The following PPP3R1 variants were observed in gnomAD, a reference collection of about 807,000 sequenced individuals.
PPP3R1 encodes the protein calcineurin subunit B type 1.
A neutral mutation model predicts 22.6 loss-of-function variants in PPP3R1; 5 were observed. The ratio of observed to expected loss-of-function variants is 0.22; its 90% CI spans 0.12 to 0.46. The LOEUF (loss-of-function observed/expected upper bound fraction) is 0.46, where lower values mean the gene tolerates loss of function less well. Ranked by LOEUF, PPP3R1 falls within the 20% of genes least tolerant of loss-of-function variation. The probability of loss-of-function intolerance (pLI) is 0.99; values close to 1 mark genes in which losing one functional copy is unlikely to be tolerated. For missense variants in PPP3R1, 61 were observed against 203.2 expected, an observed-to-expected ratio of 0.30 and a Z score of 4.25; for synonymous variants, 56 against 65.2, an observed-to-expected ratio of 0.86 and a Z score of 0.68.
chr2:68,187,931 G>A (rs1244607238), intron 3 of PPP3R1, among the ~76,000 whole-genome samples: 1 of 152,110 alleles, frequency 6.6e-6, no homozygotes, highest in Non-Finnish European at 1.5e-5. Flanking sequence ...ATTTTGGGAG[G>A]TTGAGGCACG....
intron 1 of PPP3R1, among the ~76,000 whole-genome samples, chr2:68,234,065 CG>C (rs1173537994): frequency 6.6e-6 from 1 of 152,120 alleles, no homozygotes. Context: ...AGCTTAAGGC[CG>C]GGCACGGTGG....
chr2:68,232,913 A>C (rs1300033432), intron 1 of PPP3R1, among the ~76,000 whole-genome samples: 1 of 152,094 alleles, frequency 6.6e-6, no homozygotes, highest in East Asian at 1.9e-4. Context: ...GGTCTCTATT[A>C]TATTTCTATA....
chr2:68,245,046 CT>C (rs1670208548), intron 1 of PPP3R1, among the ~76,000 whole-genome samples: 1 of 152,174 alleles, frequency 6.6e-6, no homozygotes, highest in Non-Finnish European at 1.5e-5. Flanking sequence ...ATCTTTACAA[CT>C]ATCCAATCAG....
chr2:68,241,839 A>G (rs1009701713), intron 1 of PPP3R1, among the ~76,000 whole-genome samples: 4 of 134,310 alleles, frequency 3.0e-5, no homozygotes, highest in African/African-American at 1.2e-4. Flanking sequence ...GTAAGACTCC[A>G]TCTCAAAAAA....
At chr2:68,201,797 T>C (rs184734443) in intron 2 of PPP3R1, among the ~76,000 whole-genome samples, 2 of 152,376 alleles carry the variant, frequency 1.3e-5, no homozygotes, top group South Asian at 2.1e-4. Context: ...ACTTTGAATG[T>C]ATTACTCCAC....
chr2:68,244,949 T>C (rs993320989), intron 1 of PPP3R1, among the ~76,000 whole-genome samples: 14 of 152,236 alleles, frequency 9.2e-5, no homozygotes, highest in Admixed American at 9.2e-4. Context: ...CAATCTTATG[T>C]TTGTCACCTA....
intron 2 of PPP3R1, among the ~76,000 whole-genome samples, chr2:68,204,512 T>C (rs1488182055): frequency 1.3e-5 from 2 of 152,190 alleles, no homozygotes; most frequent in Non-Finnish European, 2.9e-5. Context: ...TGGCCTAAGA[T>C]CAAATCATGG....
rs989806925 is a variant in PPP3R1, at chr2:68,185,525, A to C, written c.465+943T>G. Among the ~76,000 whole-genome samples, 15 of 148,734 alleles carry C rather than the reference A, an allele frequency of 1.0e-4. No homozygotes were observed. The East Asian group carries it at 1.9e-3, about 19-fold the overall frequency. On this transcript the variant is annotated intron_variant, in intron 5 of 5. Transcript: ENST00000234310. ...ACATTTTATTTATATATATATATAT[A>C]TCTCCCCTCTTCCAATACCATTGAA...
chr2:68,222,277 A>G (rs1669699274), intron 1 of PPP3R1, among the ~76,000 whole-genome samples: 1 of 152,204 alleles, frequency 6.6e-6, no homozygotes, highest in Middle Eastern at 3.2e-3. Context: ...TATATTAAAG[A>G]TGTATATTGT....
At chr2:68,240,221 C>T (rs1670093218) in intron 1 of PPP3R1, among the ~76,000 whole-genome samples, 1 of 151,874 alleles carries the variant, frequency 6.6e-6, no homozygotes, top group East Asian at 1.9e-4. Flanking sequence ...ACCAATGACT[C>T]AAATAAGACA....
At chr2:68,204,124 G>T (rs1675053743) in intron 2 of PPP3R1, among the ~76,000 whole-genome samples, 1 of 151,834 alleles carries the variant, frequency 6.6e-6, no homozygotes, top group South Asian at 2.1e-4. Context: ...ATTATCTAAG[G>T]TAGTATCTTG....
intron 2 of PPP3R1, among the ~76,000 whole-genome samples, chr2:68,189,224 C>T (rs1674611230): frequency 6.8e-6 from 1 of 146,300 alleles, no homozygotes; most frequent in South Asian, 2.4e-4. Context: ...CCCGAGATAT[C>T]CATTTCCTTT....
At chr2:68,212,556 C>G (rs1669508372) in intron 2 of PPP3R1, among the ~76,000 whole-genome samples, 1 of 152,230 alleles carries the variant, frequency 6.6e-6, no homozygotes, top group South Asian at 2.1e-4. Context: ...AAACGTTACT[C>G]TCTATGTACA....
chr2:68,208,233 T>C (rs972921285), intron 2 of PPP3R1, among the ~76,000 whole-genome samples: 11 of 152,218 alleles, frequency 7.2e-5, no homozygotes, highest in African/African-American at 2.4e-4. Flanking sequence ...AGTCTGTAAC[T>C]TCTGTGTAGA....
chr2:68,180,706 C>A lies in PPP3R1; in HGVS notation c.*257G>T. ...AGAAAAATAAATTAAAAAGCCAACC[C>A]CTTCCCTTTCTCCACCACATTGATA... On this transcript the variant is annotated 3_prime_UTR_variant, in exon 6 of 6. Transcript: ENST00000234310. 1 of 353,364 alleles carries A rather than the reference C, an allele frequency of 2.8e-6. No homozygotes were observed. Among genetic ancestry groups the A allele is most frequent in the Non-Finnish European group, 5.1e-6 (1 of 196,940 alleles). 21.9% of individuals were successfully genotyped at this position (353,364 alleles called of 1,614,324 possible).
chr2:68,222,026 G>C (rs569416895), intron 1 of PPP3R1, among the ~76,000 whole-genome samples: 2 of 152,028 alleles, frequency 1.3e-5, no homozygotes, highest in East Asian at 3.9e-4. Context: ...TGGAAAGCTG[G>C]ATCTAGACAA....
At chr2:68,211,482 C>T (rs2861814) in intron 2 of PPP3R1, among the ~76,000 whole-genome samples, 112,384 of 150,892 alleles carry the variant, frequency 0.74, 42,900 homozygotes, top group African/African-American at 0.93. Flanking sequence ...TGTAATTGTT[C>T]TGCTGTTGGT....
At chr2:68,226,738 G>T (rs1179419183) in intron 1 of PPP3R1, among the ~76,000 whole-genome samples, 12 of 152,100 alleles carry the variant, frequency 7.9e-5, no homozygotes, top group Admixed American at 7.9e-4. Context: ...TTTAAAGGAA[G>T]AATTTGATTA....
intron 1 of PPP3R1, among the ~76,000 whole-genome samples, chr2:68,238,531 G>A (rs1317741058): frequency 6.6e-6 from 1 of 152,156 alleles, no homozygotes; most frequent in African/African-American, 2.4e-5. Flanking sequence ...GTCAGAGCCC[G>A]ACTGTCATGC....
Sources: allele counts gnomAD v4.1 joint callset (sites outside exome capture counted in the v4.1 genomes callset), GRCh38; gene constraint gnomAD v4.1.1; transcripts MANE v1.5; gene names NCBI Gene and HGNC (gene_info 2026-07-23, HGNC 2026-07-21).